Variants in OR1M1 observed in about 807,000 individuals in gnomAD.
OR1M1 encodes olfactory receptor family 1 subfamily M member 1, also known as olfactory receptor 1M1.
For missense variants in OR1M1, 397 were observed against 401.8 expected (o/e 0.99, Z 0.10); for synonymous variants, 157 against 165.5 (o/e 0.95, Z 0.39).
At position 9,094,026 on chromosome 19, in the gene OR1M1, GTCCC is replaced by G; in HGVS notation, c.786_789del (p.Ser263ArgfsTer6). 1.2e-6 allele frequency: 2 copies of G among 1,614,056 alleles called. No individual in the cohort carries two copies. The highest frequency in any genetic ancestry group is 1.7e-6 in the Non-Finnish European group (2 of 1,180,026). On this transcript the variant is annotated frameshift_variant, in exon 2 of 2. Transcript: ENST00000641627. LOFTEE classifies it low-confidence loss of function (END_TRUNC). ...GGGACCACCATTGGCGTCTATCTGT[GTCCC>G]TCCTCGGTCCTCACCACTGTGAAGG...
Position 9,094,825 on chromosome 19 carries a change from GAC to G in OR1M1, c.*641_*642del, listed in dbSNP as rs2050317981. On this transcript the variant is annotated 3_prime_UTR_variant, in exon 2 of 2. Coordinates refer to ENST00000641627, the MANE Select transcript of OR1M1 (RefSeq NM_001004456.2). ...TTTTTGTTTTCTTTTTTGTTTTTGAGACAGAGTCTCATTCTGTCACCCAGGCT... is the reference window on the plus strand; with the variant it reads ...TTTTTGTTTTCTTTTTTGTTTTTGAGAGAGTCTCATTCTGTCACCCAGGCT... 6.6e-6 allele frequency: 1 copy of G among 152,140 alleles called. No individual in the cohort carries two copies. Among genetic ancestry groups the G allele is most frequent in the Non-Finnish European group, 1.5e-5 (1 of 68,288 alleles). The allele number at this position is 152,140 out of a possible 1,614,324, so 9.4% of individuals were successfully genotyped here.
rs201641284 is a variant in OR1M1 at position 9,093,075 on chromosome 19, T to TACAC, written c.-13-156_-13-155insCACA. The TACAC allele has an allele frequency of 4.8e-4, 219 of 459,944 alleles. 1 individual carries two copies. In the African/African-American group the frequency reaches 4.8e-3, roughly 10 times the overall value. 28.5% of individuals were successfully genotyped at this position (459,944 alleles called of 1,614,324 possible). ...TATACACACACACATATATATTCTA[T>TACAC]ATATACACACACACACACACACACA... On this transcript the variant is annotated intron_variant, in intron 1 of 1. Coordinates refer to ENST00000641627, the MANE Select transcript of OR1M1 (RefSeq NM_001004456.2).
intron 1 of OR1M1, among the ~76,000 whole-genome samples, chr19:9,088,411 A>C (rs550307250): frequency 1.3e-5 from 2 of 152,288 alleles, no homozygotes; most frequent in South Asian, 4.1e-4. Context: ...AAGAAGCTTA[A>C]GGGATGAATC....
chr19:9,091,338 A>G (rs1486863064), intron 1 of OR1M1, among the ~76,000 whole-genome samples: 4 of 150,440 alleles, frequency 2.7e-5, no homozygotes, highest in Non-Finnish European at 5.9e-5. Flanking sequence ...TTTTTTTTAA[A>G]TAGTATTTGC....
intron 1 of OR1M1, among the ~76,000 whole-genome samples, chr19:9,090,784 A>G (rs2145903523): frequency 6.6e-6 from 1 of 152,142 alleles, no homozygotes; most frequent in South Asian, 2.1e-4. Context: ...AGGCTAGCTT[A>G]AGATTAGTGA....
Position 9,093,692 on chromosome 19 carries a change from G to A in OR1M1, c.448G>A (p.Ala150Thr). 1.2e-6 allele frequency: 2 copies of A among 1,614,106 alleles called. No individual in the cohort carries two copies. The highest frequency in any genetic ancestry group is 1.1e-5 in the South Asian group (1 of 91,084). ...TCGCCTGCTGGTCGGCGCCCTCTGGGCGTTTTCCTGCTTCATCTCACTCAC... is the reference window on the plus strand; with the variant it reads ...TCGCCTGCTGGTCGGCGCCCTCTGGACGTTTTCCTGCTTCATCTCACTCAC... Reference protein sequence around the residue: ...LCRLLVGALWAFSCFISLTHI... With the variant: ...LCRLLVGALWTFSCFISLTHI... The change falls in exon 2 of 2, where the codon GCG (alanine) becomes ACG (threonine). Residue 150 changes from alanine to threonine, a missense_variant. Ala to Thr is a moderately conservative substitution (Grantham distance 58, BLOSUM62 0). Coordinates refer to ENST00000641627, the MANE Select transcript of OR1M1 (RefSeq NM_001004456.2).
chr19:9,088,586 G>A (rs2591602), intron 1 of OR1M1, among the ~76,000 whole-genome samples: 103,268 of 152,020 alleles, frequency 0.68, 35,259 homozygotes, highest in East Asian at 0.8. Context: ...TCCTTGAGAT[G>A]GAAAAATACT....
At chr19:9,089,131 G>GAACTTATTCTTCCA (rs969907553) in intron 1 of OR1M1, among the ~76,000 whole-genome samples, 1 of 152,076 alleles carries the variant, frequency 6.6e-6, no homozygotes, top group African/African-American at 2.4e-5. Context: ...TAGAACACTA[G>GAACTTATTCTTCCA]AACTTATTCT....
chr19:9,093,261 A>C lies in OR1M1; in HGVS notation c.17A>C (p.Gln6Pro), dbSNP rs1403897467. MEPRN[Q>P]TSASQFILLG... ...ATCACACCCATGGAACCAAGAAACC[A>C]AACCAGTGCATCTCAATTCATCCTC... The change falls in exon 2 of 2, where the codon CAA becomes CCA. Residue 6 changes from glutamine (Q) to proline (P), a missense_variant. Transcript: ENST00000641627. 3.1e-6 allele frequency: 5 copies of C among 1,608,998 alleles called. No individual in the cohort carries two copies. Among genetic ancestry groups the C allele is most frequent in the Non-Finnish European group, 4.2e-6 (5 of 1,177,720 alleles).
rs771778997 is a variant in OR1M1 at position 9,093,782 on chromosome 19, G to T, written c.538G>T (p.Asp180Tyr). The change falls in exon 2 of 2, where the codon GAC becomes TAC. Residue 180 changes from aspartate (D) to tyrosine (Y), a missense_variant. Asp to Tyr is a radical substitution (Grantham distance 160). Transcript: ENST00000641627. ...CCATGAGGTGCCTCACTACTTCTGC[G>T]ACCTCACTCCCATCCTCCGACTTTC... ...GSHEVPHYFC[D>Y]LTPILRLSCT... 3 of 1,613,892 alleles carry T rather than the reference G, an allele frequency of 1.9e-6. No homozygotes were observed. Among genetic ancestry groups the T allele is most frequent in the African/African-American group, 1.3e-5 (1 of 75,032 alleles).
intron 1 of OR1M1, among the ~76,000 whole-genome samples, chr19:9,087,580 T>C (rs1466127426): frequency 6.6e-6 from 1 of 152,012 alleles, no homozygotes; most frequent in Admixed American, 6.6e-5. Flanking sequence ...GCCTCCCGAG[T>C]AGCTGGGATT....
At chr19:9,092,145 C>G (rs2050296588) in intron 1 of OR1M1, among the ~76,000 whole-genome samples, 1 of 136,042 alleles carries the variant, frequency 7.4e-6, no homozygotes, top group African/African-American at 2.7e-5. Flanking sequence ...CTCTTGAACA[C>G]CTGCATTCAA....
In OR1M1 at chr19:9,093,892, C is replaced by T. The variant is rs373287169; in HGVS notation, c.648C>T (p.Ala216=). The T allele has an allele frequency of 4.3e-6, 7 of 1,614,058 alleles. No individual in the cohort carries two copies. Among genetic ancestry groups the T allele is most frequent in the Middle Eastern group, 1.6e-4 (1 of 6,084 alleles). ...CCACGCCCTTTGTCTGCATCCTGGC[C>T]TCCTATGCTCGCATCCTTGTGGCCA... ...VIATPFVCIL[A]SYARILVAIM... is the part of the protein sequence containing the mutation. The change falls in exon 2 of 2, where the codon GCC becomes GCT. Residue 216 remains alanine, a synonymous_variant. Coordinates refer to ENST00000641627, the MANE Select transcript of OR1M1 (RefSeq NM_001004456.2).
rs201641284 is a variant in OR1M1 at position 9,093,075 on chromosome 19, T to TACACAC, written c.-13-156_-13-155insCACACA. 188 of 459,942 alleles carry TACACAC rather than the reference T, an allele frequency of 4.1e-4. 2 individuals carry two copies. In the African/African-American group the frequency reaches 4.8e-3, roughly 12 times the overall value. 28.5% of individuals were successfully genotyped at this position (459,942 alleles called of 1,614,324 possible). On this transcript the variant is annotated intron_variant, in intron 1 of 1. Coordinates refer to ENST00000641627, the MANE Select transcript of OR1M1 (RefSeq NM_001004456.2). ...TATACACACACACATATATATTCTA[T>TACACAC]ATATACACACACACACACACACACA... is the stretch of plus-strand genomic sequence containing the variant.
rs570110447 is a variant in OR1M1 at position 9,093,534 on chromosome 19, G to C, written c.290G>C (p.Cys97Ser). 1 of 1,614,158 alleles carries C rather than the reference G, an allele frequency of 6.2e-7. No individual in the cohort carries two copies. Among genetic ancestry groups the C allele is most frequent in the Non-Finnish European group, 8.5e-7 (1 of 1,180,038 alleles). Residue 97 changes from cysteine (C) to serine (S), a missense_variant, in exon 2 of 2, where the codon TGC becomes TCC. Physicochemically the swap from Cys to Ser is moderately radical, Grantham distance 112 (BLOSUM62 -1). Coordinates refer to ENST00000641627, the MANE Select transcript of OR1M1 (RefSeq NM_001004456.2). ...TGSKAISYPC[C>S]LIQMYFFHFF... ...AGCAAGGCCATCTCTTATCCCTGCT[G>C]CCTGATCCAGATGTACTTCTTCCAT... is the stretch of plus-strand genomic sequence containing the variant.
intron 1 of OR1M1, among the ~76,000 whole-genome samples, chr19:9,087,969 C>T (rs1316519585): frequency 6.6e-6 from 1 of 152,022 alleles, no homozygotes; most frequent in Non-Finnish European, 1.5e-5. Flanking sequence ...TGGCTCACTG[C>T]AACCTCCATC....
rs201410610 is a variant in OR1M1, at chr19:9,093,686, C to G, written c.442C>G (p.Leu148Val). The change falls in exon 2 of 2, where the codon CTC becomes GTC. Residue 148 changes from leucine (L) to valine (V), a missense_variant. Leu to Val is a conservative substitution (Grantham distance 32). Transcript: ENST00000641627. Reference protein sequence around the residue: ...LRLCRLLVGALWAFSCFISLT... With the variant: ...LRLCRLLVGAVWAFSCFISLT... Reference sequence around the variant, plus strand: ...CCTCTGTCGCCTGCTGGTCGGCGCCCTCTGGGCGTTTTCCTGCTTCATCTC... The same window carrying G: ...CCTCTGTCGCCTGCTGGTCGGCGCCGTCTGGGCGTTTTCCTGCTTCATCTC... The G allele has an allele frequency of 1.2e-6, 2 of 1,614,142 alleles. No homozygotes were observed. The highest frequency in any genetic ancestry group is 3.3e-5 in the Admixed American group (2 of 60,030).
intron 1 of OR1M1, among the ~76,000 whole-genome samples, chr19:9,091,166 C>T (rs540975167): frequency 2.7e-5 from 4 of 150,336 alleles, no homozygotes; most frequent in African/African-American, 9.8e-5. Flanking sequence ...GACTCTGTCT[C>T]AAAAAAAACA....
At chr19:9,091,014 A>C (rs1393174685) in intron 1 of OR1M1, among the ~76,000 whole-genome samples, 5 of 151,820 alleles carry the variant, frequency 3.3e-5, no homozygotes, top group Non-Finnish European at 7.4e-5. Context: ...AAAAGTACAA[A>C]AAATTAGCCA....
Sources: allele counts gnomAD v4.1 joint callset (sites outside exome capture counted in the v4.1 genomes callset), GRCh38; gene constraint gnomAD v4.1.1; transcripts MANE v1.5; gene names NCBI Gene and HGNC (gene_info 2026-07-23, HGNC 2026-07-21).